Variants in KCNB2 observed in about 807,000 individuals in gnomAD.
KCNB2 encodes potassium voltage-gated channel subfamily B member 2.
A neutral mutation model predicts 61.5 loss-of-function variants in KCNB2; 15 were observed. That is an observed-to-expected ratio of 0.24 (90% CI 0.16 to 0.38). The LOEUF is 0.38. Among genes scored for constraint, KCNB2 ranks in the 10% least tolerant of loss-of-function variants. The pLI is 1.00. For missense variants in KCNB2, 828 were observed against 1,125.2 expected, an observed-to-expected ratio of 0.74 and a Z score of 3.78; for synonymous variants, 457 against 446.0, an observed-to-expected ratio of 1.02 and a Z score of -0.31.
Position 72,561,745 on chromosome 8 carries a change from A to ATATC in KCNB2, c.-93-5896_-93-5895insATCT, listed in dbSNP as rs1806528257. The stretch of plus-strand genomic sequence containing the variant: ...TATATATATCTATATCTATATATAT[A>ATATC]TGTATATATATATATGGATATATAT... On this transcript the variant is annotated intron_variant, in intron 1 of 2. Transcript: ENST00000523207. 6.5e-5 allele frequency among the ~76,000 whole-genome samples: 2 copies of ATATC among 30,794 alleles called. 1 individual carries two copies. Among genetic ancestry groups the ATATC allele is most frequent in the Non-Finnish European group, 1.1e-4 (2 of 17,844 alleles). 20.2% of individuals were successfully genotyped at this position (30,794 alleles called of 152,430 possible). A position where few individuals can be genotyped will look rare whatever the true frequency, so the allele number is the denominator to read the frequency against.
intron 1 of KCNB2, among the ~76,000 whole-genome samples, chr8:72,542,593 A>G (rs934503092): frequency 1.2e-4 from 19 of 152,176 alleles, no homozygotes; most frequent in African/African-American, 4.1e-4. Flanking sequence ...TTTGATTTAC[A>G]TAATGTTTAT....
chr8:72,673,430 A>T (rs1039650535), intron 2 of KCNB2, among the ~76,000 whole-genome samples: 4 of 152,144 alleles, frequency 2.6e-5, no homozygotes, highest in Non-Finnish European at 5.9e-5. Flanking sequence ...TGTGAAGAAA[A>T]ACATGTTTGT....
At chr8:72,779,130 T>C (rs566908451) in intron 2 of KCNB2, among the ~76,000 whole-genome samples, 2 of 152,296 alleles carry the variant, frequency 1.3e-5, no homozygotes, top group Admixed American at 1.3e-4. Flanking sequence ...CAGCTTAGTC[T>C]GTCACTTTCT....
At chr8:72,787,624 A>G (rs1585893368) in intron 2 of KCNB2, among the ~76,000 whole-genome samples, 1 of 152,134 alleles carries the variant, frequency 6.6e-6, no homozygotes, top group Admixed American at 6.6e-5. Flanking sequence ...CTTTGAAGGA[A>G]TTACAACTGG....
intron 2 of KCNB2, among the ~76,000 whole-genome samples, chr8:72,845,357 G>T (rs923419213): frequency 1.3e-5 from 2 of 152,166 alleles, no homozygotes; most frequent in Non-Finnish European, 2.9e-5. Context: ...GAGCTCTTTT[G>T]TATGAGATGT....
At chr8:72,576,711 G>T (rs1311146968) in intron 2 of KCNB2, among the ~76,000 whole-genome samples, 1 of 152,180 alleles carries the variant, frequency 6.6e-6, no homozygotes, top group African/African-American at 2.4e-5. Context: ...GCAACATCCA[G>T]TTCTTAACCT....
intron 2 of KCNB2, among the ~76,000 whole-genome samples, chr8:72,895,909 T>A (rs1342866862): frequency 6.6e-6 from 1 of 152,248 alleles, no homozygotes; most frequent in Non-Finnish European, 1.5e-5. Context: ...ATATGACTAC[T>A]GATTAGGGAT....
rs1807161927 is a variant in KCNB2, at chr8:72,594,892, CTTAGTGTATACACA to C, written c.579+26584_579+26597del. ...ACCAAATTAGATTAGGAAAAACTTC[CTTAGTGTATACACA>C]TTAGCCAAAGGTGATGGTTAAAAAA... On this transcript the variant is annotated intron_variant, in intron 2 of 2. Coordinates refer to ENST00000523207, the MANE Select transcript of KCNB2 (RefSeq NM_004770.3). 2.0e-5 allele frequency among the ~76,000 whole-genome samples: 3 copies of C among 152,134 alleles called. 1 individual carries two copies. The South Asian group carries it at 6.2e-4, about 31-fold the overall frequency.
intron 2 of KCNB2, among the ~76,000 whole-genome samples, chr8:72,742,770 T>G (rs953854913): frequency 3.3e-5 from 5 of 152,220 alleles, no homozygotes; most frequent in Admixed American, 2.6e-4. Flanking sequence ...TCTCCCATCC[T>G]TGGCAGAGTG....
At chr8:72,668,374 G>C (rs1047265763) in intron 2 of KCNB2, among the ~76,000 whole-genome samples, 4 of 152,132 alleles carry the variant, frequency 2.6e-5, no homozygotes, top group African/African-American at 9.7e-5. Context: ...AAACTCTCTA[G>C]TGTGGATTAT....
chr8:72,625,447 T>C (rs994441296), intron 2 of KCNB2, among the ~76,000 whole-genome samples: 4 of 152,206 alleles, frequency 2.6e-5, no homozygotes, highest in Non-Finnish European at 5.9e-5. Flanking sequence ...TTATTATTTT[T>C]TGAGACAGAG....
chr8:72,712,891 T>C (rs567935506), intron 2 of KCNB2, among the ~76,000 whole-genome samples: 1 of 152,048 alleles, frequency 6.6e-6, no homozygotes, highest in South Asian at 2.1e-4. Context: ...GTGCAAGGGG[T>C]CAGGGAATTC....
rs150070995 is a variant in KCNB2, at chr8:72,859,052, G to A, written c.580-76883G>A. On this transcript the variant is annotated intron_variant, in intron 2 of 2. Coordinates refer to ENST00000523207, the MANE Select transcript of KCNB2 (RefSeq NM_004770.3). ...AAATGTCCTCATAGGTTGACCCTAC[G>A]AACCTTCAGTTTTCACAATTAATGC... 1.4e-3 allele frequency among the ~76,000 whole-genome samples: 210 copies of A among 152,236 alleles called. 1 individual carries two copies. Among genetic ancestry groups the A allele is most frequent in the Non-Finnish European group, 2.6e-3 (174 of 68,008 alleles).
At chr8:72,702,649 C>G (rs1201679864) in intron 2 of KCNB2, among the ~76,000 whole-genome samples, 1 of 152,142 alleles carries the variant, frequency 6.6e-6, no homozygotes, top group Non-Finnish European at 1.5e-5. Context: ...AATATTGAAC[C>G]ATGATGTTCA....
Position 72,544,401 on chromosome 8 carries a change from T to C in KCNB2, c.-94+6516T>C, listed in dbSNP as rs117011243. ...TCAATGGAAAATTTTTAAAAAGTGGTGTAATCCACTTTATTTTTGGCAACA... is the reference window on the plus strand; with the variant it reads ...TCAATGGAAAATTTTTAAAAAGTGGCGTAATCCACTTTATTTTTGGCAACA... On this transcript the variant is annotated intron_variant, in intron 1 of 2. Coordinates refer to ENST00000523207, the MANE Select transcript of KCNB2 (RefSeq NM_004770.3). Among the ~76,000 whole-genome samples the C allele has an allele frequency of 9.6e-3, 1,460 of 152,286 alleles. 8 individuals are homozygous for C. The highest frequency in any genetic ancestry group is 0.015 in the Non-Finnish European group (1,054 of 68,012).
intron 2 of KCNB2, among the ~76,000 whole-genome samples, chr8:72,810,853 G>A (rs1325447465): frequency 6.6e-6 from 1 of 152,174 alleles, no homozygotes; most frequent in African/African-American, 2.4e-5. Context: ...ACATGTTTTG[G>A]GATGGACATT....
chr8:72,649,355 G>A (rs1023171725), intron 2 of KCNB2, among the ~76,000 whole-genome samples: 1 of 152,138 alleles, frequency 6.6e-6, no homozygotes, highest in African/African-American at 2.4e-5. Context: ...TTGCAAAGGT[G>A]AGATTGGAAG....
At chr8:72,550,380 A>G (rs977285957) in intron 1 of KCNB2, among the ~76,000 whole-genome samples, 17 of 152,308 alleles carry the variant, frequency 1.1e-4, no homozygotes, top group Admixed American at 1.3e-4. Flanking sequence ...CTAGGTCATG[A>G]GGTTATGCAA....
intron 2 of KCNB2, among the ~76,000 whole-genome samples, chr8:72,861,978 C>A (rs1408678820): frequency 6.6e-6 from 1 of 152,086 alleles, no homozygotes; most frequent in Non-Finnish European, 1.5e-5. Flanking sequence ...TCAGGAGCAG[C>A]CTGGCCAACA....
Sources: gnomAD v4.1 joint callset for allele counts (sites outside exome capture counted in the v4.1 genomes callset) on GRCh38, gnomAD v4.1.1 for gene constraint, MANE v1.5 for transcripts, NCBI Gene and HGNC (gene_info 2026-07-23, HGNC 2026-07-21) for gene names.